The following KCNH8 variants were observed in gnomAD, a reference collection of about 807,000 sequenced individuals.
KCNH8 encodes voltage-gated delayed rectifier potassium channel KCNH8.
A neutral mutation model predicts 103.6 loss-of-function variants in KCNH8; 70 were observed. The observed-to-expected ratio is 0.68, with a 90% CI of 0.56 to 0.82. The LOEUF (loss-of-function observed/expected upper bound fraction) is 0.82, where lower values mean the gene tolerates loss of function less well. Among genes scored for constraint, KCNH8 ranks in the 40% least tolerant of loss-of-function variants. The pLI is 0.00. For synonymous variants in KCNH8, 498 were observed against 489.4 expected (o/e 1.02, Z -0.23); for missense variants, 1,217 against 1,329.9 (o/e 0.92, Z 1.32).
intron 5 of KCNH8, among the ~76,000 whole-genome samples, chr3:19,389,880 T>A (rs1191299788): frequency 6.6e-6 from 1 of 152,072 alleles, no homozygotes; most frequent in East Asian, 1.9e-4. Flanking sequence ...TTCTTTTGCT[T>A]CGTCCTTCCA....
intron 4 of KCNH8, chr3:19,346,819 C>T: frequency 7.8e-6 from 3 of 384,086 alleles, no homozygotes; most frequent in Non-Finnish European, 1.6e-5. Context: ...TCTTATATTT[C>T]CCATTAATTG....
At chr3:19,193,124 T>C (rs114182925) in intron 1 of KCNH8, among the ~76,000 whole-genome samples, 2,773 of 151,778 alleles carry the variant, frequency 0.018, 83 homozygotes, top group African/African-American at 0.062. Context: ...TATTTTCATT[T>C]CTTATTATAC....
At chr3:19,483,047 T>A (rs974904523) in intron 11 of KCNH8, among the ~76,000 whole-genome samples, 13 of 152,164 alleles carry the variant, frequency 8.5e-5, no homozygotes, top group South Asian at 8.3e-4. Flanking sequence ...ATTTTTTTTT[T>A]AATTTTTTAT....
chr3:19,445,875 T>C (rs941272655), intron 8 of KCNH8, among the ~76,000 whole-genome samples: 1 of 151,974 alleles, frequency 6.6e-6, no homozygotes, highest in Admixed American at 6.6e-5. Flanking sequence ...ACTTAAATTA[T>C]GCCAAGAGCT....
chr3:19,279,393 A>G (rs530381052), intron 2 of KCNH8, among the ~76,000 whole-genome samples: 2 of 152,202 alleles, frequency 1.3e-5, no homozygotes, highest in Admixed American at 6.5e-5. Context: ...CAATGTTACA[A>G]TGAAGGGAAC....
chr3:19,198,280 A>G lies in KCNH8; in HGVS notation c.76+49485A>G, dbSNP rs566198581. ...GGACAGGATGCAGAGGGAGAGTAAG[A>G]TAGTGGTGGTTTCTTGAAGGAAGTA... On this transcript the variant is annotated intron_variant, in intron 1 of 15. Transcript: ENST00000328405. Among the ~76,000 whole-genome samples the G allele has an allele frequency of 4.6e-5, 7 of 152,212 alleles. No individual in the cohort carries two copies. The East Asian group carries it at 1.4e-3, about 29-fold the overall frequency.
intron 7 of KCNH8, among the ~76,000 whole-genome samples, chr3:19,433,108 T>G (rs576397147): frequency 3.6e-4 from 55 of 152,304 alleles, no homozygotes; most frequent in African/African-American, 1.3e-3. Context: ...AATGCTATAC[T>G]TTAGTAATCA....
chr3:19,389,879 T>G lies in KCNH8; in HGVS notation c.812-602T>G, dbSNP rs539303252. 1.4e-4 allele frequency among the ~76,000 whole-genome samples: 21 copies of G among 152,140 alleles called. No individual in the cohort carries two copies. In the Middle Eastern group the frequency reaches 0.017, roughly 123 times the overall value. On this transcript the variant is annotated intron_variant, in intron 5 of 15. Coordinates refer to ENST00000328405, the MANE Select transcript of KCNH8 (RefSeq NM_144633.3). The stretch of plus-strand genomic sequence containing the variant: ...TTCTGAGCTCGGGCAATTCTTTTGC[T>G]TCGTCCTTCCAAAGTGCTGGGATTA...
intron 7 of KCNH8, 60 bp from the exon 8 acceptor site, chr3:19,438,104 T>G: frequency 7.9e-7 from 1 of 1,273,496 alleles, no homozygotes; most frequent in Non-Finnish European, 1.1e-6. Context: ...ATTACTCCCA[T>G]GTGTTAATAC....
intron 5 of KCNH8, among the ~76,000 whole-genome samples, chr3:19,383,068 C>T (rs1456706678): frequency 6.6e-6 from 1 of 151,902 alleles, no homozygotes; most frequent in Non-Finnish European, 1.5e-5. Flanking sequence ...CAATTTTGGC[C>T]AAAGCAAATC....
intron 5 of KCNH8, among the ~76,000 whole-genome samples, chr3:19,382,760 C>G (rs1171404778): frequency 6.6e-6 from 1 of 152,066 alleles, no homozygotes; most frequent in Non-Finnish European, 1.5e-5. Context: ...AGCCCCTCTG[C>G]TCTATGGCTT....
At chr3:19,476,637 A>G (rs1203227717) in intron 11 of KCNH8, among the ~76,000 whole-genome samples, 3 of 152,136 alleles carry the variant, frequency 2.0e-5, no homozygotes, top group African/African-American at 7.2e-5. Flanking sequence ...CTGAATTCCC[A>G]AATCATTGAT....
In KCNH8 at chr3:19,400,231, C is replaced by CAAAAAAAA. The variant is rs11422314; in HGVS notation, c.1177+4937_1177+4944dup. Among the ~76,000 whole-genome samples, 7 of 53,114 alleles carry CAAAAAAAA rather than the reference C, an allele frequency of 1.3e-4. 1 individual carries two copies. Among genetic ancestry groups the CAAAAAAAA allele is most frequent in the African/African-American group, 2.8e-4 (4 of 14,146 alleles). The allele number at this position is 53,114 out of a possible 152,430, so 34.8% of individuals were successfully genotyped here. A position where few individuals can be genotyped will look rare whatever the true frequency, so the allele number is the denominator to read the frequency against. Reference sequence around the variant, plus strand: ...CCCTACCAGATACGATGTTAGCCAGCAAAAAAAAAAAAAAAAAAAAAAAAG... The same window carrying CAAAAAAAA: ...CCCTACCAGATACGATGTTAGCCAGCAAAAAAAAAAAAAAAAAAAAAAAAAAAAAAAAG... On this transcript the variant is annotated intron_variant, in intron 7 of 15. Transcript: ENST00000328405.
chr3:19,175,367 G>A (rs939793768), intron 1 of KCNH8, among the ~76,000 whole-genome samples: 15 of 151,222 alleles, frequency 9.9e-5, no homozygotes, highest in African/African-American at 3.1e-4. Context: ...GACTACAGGC[G>A]CCCGCCACTA....
At chr3:19,329,469 A>G (rs561490754) in intron 3 of KCNH8, among the ~76,000 whole-genome samples, 1 of 152,220 alleles carries the variant, frequency 6.6e-6, no homozygotes, top group East Asian at 1.9e-4. Flanking sequence ...ATTATGGCTT[A>G]TATTTAGAAA....
chr3:19,222,348 C>A (rs1304166263), intron 1 of KCNH8, among the ~76,000 whole-genome samples: 1 of 151,956 alleles, frequency 6.6e-6, no homozygotes, highest in African/African-American at 2.4e-5. Context: ...TTGCTGAATG[C>A]CTTTATTCTA....
chr3:19,298,694 G>A (rs963646746), intron 3 of KCNH8, among the ~76,000 whole-genome samples: 3 of 151,938 alleles, frequency 2.0e-5, no homozygotes, highest in Admixed American at 2.0e-4. Flanking sequence ...AGTCCGAGGC[G>A]GGCGGATCAC....
At chr3:19,237,205 G>A (rs1055404334) in intron 1 of KCNH8, among the ~76,000 whole-genome samples, 6 of 152,312 alleles carry the variant, frequency 3.9e-5, no homozygotes, top group Middle Eastern at 3.4e-3. Context: ...TGTTTTCGTT[G>A]TTGAGTAATG....
At chr3:19,400,391 G>C (rs186622420) in intron 7 of KCNH8, among the ~76,000 whole-genome samples, 3 of 151,946 alleles carry the variant, frequency 2.0e-5, no homozygotes, top group South Asian at 2.1e-4. Context: ...TGTTTCCTCA[G>C]CTATAATAGA....
Sources: gnomAD v4.1 joint callset for allele counts (sites outside exome capture counted in the v4.1 genomes callset) on GRCh38, gnomAD v4.1.1 for gene constraint, MANE v1.5 for transcripts, NCBI Gene and HGNC (gene_info 2026-07-23, HGNC 2026-07-21) for gene names.